EVL: variants seen among roughly 807,000 people sequenced by gnomAD.
EVL encodes ena/VASP-like protein.
EVL carries 21 observed loss-of-function variants against 59.6 expected under a neutral mutation model. The observed-to-expected ratio is 0.35, with a 90% CI of 0.25 to 0.51. EVL has a LOEUF of 0.51. EVL is among the 20% of genes least tolerant of loss of function. EVL has a pLI of 0.97. For missense variants in EVL, 462 were observed against 546.6 expected (o/e 0.85, Z 1.54); for synonymous variants, 198 against 203.5 (o/e 0.97, Z 0.23).
chr14:100,106,785 C>T, intron 3 of EVL: 1 of 398,552 alleles, frequency 2.5e-6, no homozygotes, highest in Admixed American at 4.4e-5. Flanking sequence ...TGTCGCTTAA[C>T]AGTGCCATGG....
intron 3 of EVL, among the ~76,000 whole-genome samples, chr14:100,122,449 C>T (rs774044171): frequency 2.0e-5 from 3 of 152,168 alleles, no homozygotes; most frequent in South Asian, 2.1e-4. Context: ...AGTGCCTGGA[C>T]GTTGCTCTGG....
intron 1 of EVL, among the ~76,000 whole-genome samples, chr14:100,028,714 C>T (rs1293865937): frequency 6.6e-6 from 1 of 152,014 alleles, no homozygotes. Flanking sequence ...GGGAGGCTGA[C>T]GCAGGAGAAT....
intron 2 of EVL, among the ~76,000 whole-genome samples, chr14:100,086,393 T>G (rs1485319716): frequency 6.6e-6 from 1 of 152,222 alleles, no homozygotes; most frequent in African/African-American, 2.4e-5. Flanking sequence ...TTGGGGCTTG[T>G]GAGGGCAATA....
intron 7 of EVL, 92 bp downstream of exon 7, chr14:100,129,776 C>G: frequency 7.0e-7 from 1 of 1,421,848 alleles, no homozygotes; most frequent in Admixed American, 3.0e-5. Context: ...CTCTTGACCC[C>G]AGAATCTTTG....
At chr14:100,116,533 A>G (rs1887358600) in intron 3 of EVL, among the ~76,000 whole-genome samples, 1 of 152,170 alleles carries the variant, frequency 6.6e-6, no homozygotes, top group African/African-American at 2.4e-5. Context: ...GGGGTGGCCA[A>G]GAGGAAGGCC....
chr14:100,101,922 T>C (rs1028404110), intron 3 of EVL, among the ~76,000 whole-genome samples: 4 of 152,204 alleles, frequency 2.6e-5, no homozygotes, highest in African/African-American at 9.6e-5. Flanking sequence ...TATTGCAACC[T>C]CTGCCTCCTG....
intron 1 of EVL, among the ~76,000 whole-genome samples, chr14:99,988,310 A>G (rs1401315363): frequency 3.3e-5 from 5 of 152,210 alleles, no homozygotes; most frequent in African/African-American, 9.7e-5. Context: ...AAAGGTGCTT[A>G]GCATCATTAG....
intron 3 of EVL, among the ~76,000 whole-genome samples, chr14:100,112,066 C>G (rs1420662692): frequency 6.6e-6 from 1 of 152,242 alleles, no homozygotes; most frequent in East Asian, 1.9e-4. Flanking sequence ...CAGCTGTTTT[C>G]TTTTTTCCTC....
chr14:99,999,577 C>A (rs1481081094), intron 1 of EVL, among the ~76,000 whole-genome samples: 3 of 152,188 alleles, frequency 2.0e-5, no homozygotes, highest in Non-Finnish European at 4.4e-5. Context: ...GCAGGAGGAT[C>A]ACCTGAGGCC....
chr14:100,082,933 CTG>C (rs953595683), intron 1 of EVL, among the ~76,000 whole-genome samples: 2 of 152,204 alleles, frequency 1.3e-5, no homozygotes, highest in Admixed American at 6.5e-5. Flanking sequence ...AGCATGGCCT[CTG>C]TGCACCAGCT....
Position 100,038,771 on chromosome 14 carries a change from G to GGGGTGTGT in EVL, c.6-45915_6-45914insGGTGTGTG, listed in dbSNP as rs375810603. 2.6e-3 allele frequency among the ~76,000 whole-genome samples: 373 copies of GGGGTGTGT among 141,002 alleles called. 1 individual carries two copies. Among genetic ancestry groups the GGGGTGTGT allele is most frequent in the African/African-American group, 8.6e-3 (330 of 38,448 alleles). 92.5% of individuals were successfully genotyped at this position (141,002 alleles called of 152,430 possible). ...TAGTACCCTGTGTGCTGTGCCCTGG[G>GGGGTGTGT]GTGTGTGTGTGTGTGTGTGTGTGTG... On this transcript the variant is annotated intron_variant, in intron 1 of 13. Transcript: ENST00000402714.
At chr14:100,007,214 T>C (rs978070927) in intron 1 of EVL, among the ~76,000 whole-genome samples, 14 of 152,004 alleles carry the variant, frequency 9.2e-5, no homozygotes, top group African/African-American at 3.4e-4. Context: ...ATGTAAGATA[T>C]ATATTGGTTC....
chr14:100,094,199 C>G (rs1452616437), intron 2 of EVL, among the ~76,000 whole-genome samples: 1 of 152,140 alleles, frequency 6.6e-6, no homozygotes, highest in East Asian at 1.9e-4. Flanking sequence ...TTGGACAAGT[C>G]ACTCATTCTC....
chr14:100,006,676 C>T (rs550208481), intron 1 of EVL, among the ~76,000 whole-genome samples: 25 of 152,204 alleles, frequency 1.6e-4, no homozygotes, highest in African/African-American at 5.8e-4. Context: ...TGCTCTGTGC[C>T]ATCCAAGAAG....
At chr14:100,029,890 T>C (rs887180497) in intron 1 of EVL, among the ~76,000 whole-genome samples, 10 of 152,160 alleles carry the variant, frequency 6.6e-5, no homozygotes, top group African/African-American at 2.4e-4. Flanking sequence ...AGTTGGCTAC[T>C]CTGCAGAGAT....
chr14:100,119,284 G>A (rs541227751), intron 3 of EVL, among the ~76,000 whole-genome samples: 3 of 152,178 alleles, frequency 2.0e-5, no homozygotes, highest in Non-Finnish European at 4.4e-5. Flanking sequence ...ATTTGTCTGA[G>A]ATGAATGAGA....
At chr14:100,131,420 G>C (rs1420633442) in intron 7 of EVL, among the ~76,000 whole-genome samples, 1 of 152,242 alleles carries the variant, frequency 6.6e-6, no homozygotes, top group African/African-American at 2.4e-5. Flanking sequence ...CTACTGGGTG[G>C]AGCCGACGAT....
intron 3 of EVL, among the ~76,000 whole-genome samples, chr14:100,111,225 C>G (rs925360535): frequency 5.0e-5 from 7 of 139,598 alleles, no homozygotes; most frequent in African/African-American, 1.6e-4. Flanking sequence ...GGTGCAAACT[C>G]AGCTCACTGC....
At chr14:100,008,090 G>A (rs904187513) in intron 1 of EVL, among the ~76,000 whole-genome samples, 3 of 152,186 alleles carry the variant, frequency 2.0e-5, no homozygotes, top group Non-Finnish European at 4.4e-5. Context: ...CCCCAGTTGA[G>A]AACTGCTGGT....
Sources: gnomAD v4.1 joint callset for allele counts (sites outside exome capture counted in the v4.1 genomes callset) on GRCh38, gnomAD v4.1.1 for gene constraint, MANE v1.5 for transcripts, NCBI Gene and HGNC (gene_info 2026-07-23, HGNC 2026-07-21) for gene names.